The following ATP10D variants were observed in gnomAD, a reference collection of about 807,000 sequenced individuals.
The protein encoded by ATP10D is ATPase phospholipid transporting 10D (putative).
Under a neutral mutation model 144.8 loss-of-function variants are expected in ATP10D, and 89 were observed. The ratio of observed to expected loss-of-function variants is 0.61; its 90% confidence interval spans 0.52 to 0.73. The LOEUF (loss-of-function observed/expected upper bound fraction) is 0.73. ATP10D is among the 30% of genes least tolerant of loss of function. ATP10D has a pLI of 0.00. For missense variants in ATP10D, 1,603 were observed against 1,714.8 expected (o/e 0.93, Z 1.15); for synonymous variants, 571 against 615.1 (o/e 0.93, Z 1.06).
At chr4:47,564,831 A>T (rs540872968) in intron 15 of ATP10D, among the ~76,000 whole-genome samples, 1 of 152,344 alleles carries the variant, frequency 6.6e-6, no homozygotes, top group African/African-American at 2.4e-5. Flanking sequence ...TTCAGCAGTC[A>T]GACTTAACCA....
At chr4:47,575,494 G>C (rs2109467991) in intron 18 of ATP10D, among the ~76,000 whole-genome samples, 1 of 152,216 alleles carries the variant, frequency 6.6e-6, no homozygotes, top group South Asian at 2.1e-4. Flanking sequence ...AAGCAAGCTG[G>C]GATGGCTGAC....
chr4:47,572,777 G>A (rs533540730), intron 17 of ATP10D, 95 bp from the exon 18 acceptor site: 2 of 1,490,204 alleles, frequency 1.3e-6, no homozygotes, highest in South Asian at 2.4e-5. Flanking sequence ...GAAGAAGGTA[G>A]AATATGAGGC....
intron 11 of ATP10D, chr4:47,557,081 T>G (rs1229554735): frequency 6.6e-6 from 1 of 152,170 alleles, no homozygotes; most frequent in African/African-American, 2.4e-5. Context: ...ATGTATATTA[T>G]TACTTGTTAC....
chr4:47,522,623 G>C (rs542671951), intron 3 of ATP10D, among the ~76,000 whole-genome samples: 34 of 152,334 alleles, frequency 2.2e-4, no homozygotes, highest in African/African-American at 7.7e-4. Flanking sequence ...AAGCTGGAGT[G>C]CAGTGGTGTG....
chr4:47,567,309 A>G (rs1166601659), intron 15 of ATP10D, among the ~76,000 whole-genome samples: 1 of 152,244 alleles, frequency 6.6e-6, no homozygotes, highest in Non-Finnish European at 1.5e-5. Flanking sequence ...TTATTTTTAT[A>G]ATGAAAAAAA....
intron 10 of ATP10D, among the ~76,000 whole-genome samples, chr4:47,550,530 G>A (rs116473542): frequency 5.9e-5 from 9 of 152,246 alleles, no homozygotes; most frequent in East Asian, 3.9e-4. Context: ...AGATGGTGGC[G>A]TGTGGCTTCC....
At chr4:47,576,516 A>G (rs190559695) in intron 18 of ATP10D, among the ~76,000 whole-genome samples, 60 of 152,342 alleles carry the variant, frequency 3.9e-4, no homozygotes, top group African/African-American at 1.3e-3. Context: ...TGATTAAATG[A>G]ATTATTCCTA....
chr4:47,527,547 C>T (rs915923365), intron 5 of ATP10D, among the ~76,000 whole-genome samples: 1 of 152,072 alleles, frequency 6.6e-6, no homozygotes, highest in Non-Finnish European at 1.5e-5. Context: ...CCATGTATTT[C>T]CTATAGGACT....
At chr4:47,506,109 G>A (rs1716008236) in intron 1 of ATP10D, among the ~76,000 whole-genome samples, 1 of 152,074 alleles carries the variant, frequency 6.6e-6, no homozygotes, top group African/African-American at 2.4e-5. Flanking sequence ...ATGGAGTGTA[G>A]TTTTTAATAT....
intron 1 of ATP10D, among the ~76,000 whole-genome samples, chr4:47,493,057 A>G (rs1019806407): frequency 6.6e-6 from 1 of 152,050 alleles, no homozygotes; most frequent in Non-Finnish European, 1.5e-5. Context: ...TTTCCTATTC[A>G]TTATTCTTTT....
intron 11 of ATP10D, among the ~76,000 whole-genome samples, chr4:47,555,506 T>G (rs1184294569): frequency 6.6e-6 from 1 of 152,174 alleles, no homozygotes; most frequent in Non-Finnish European, 1.5e-5. Context: ...CAGATGAGGC[T>G]AAGTAATTTA....
intron 1 of ATP10D, among the ~76,000 whole-genome samples, chr4:47,498,705 G>A (rs1232257922): frequency 6.6e-6 from 1 of 152,188 alleles, no homozygotes; most frequent in East Asian, 1.9e-4. Context: ...TCACTGAAAA[G>A]TATTCGTTGA....
chr4:47,494,607 G>C (rs1379573295), intron 1 of ATP10D, among the ~76,000 whole-genome samples: 1 of 151,440 alleles, frequency 6.6e-6, no homozygotes, highest in African/African-American at 2.4e-5. Flanking sequence ...GAATGTTGTA[G>C]ATTGGTCATG....
intron 14 of ATP10D, among the ~76,000 whole-genome samples, chr4:47,563,199 C>T (rs569254825): frequency 3.3e-5 from 5 of 152,118 alleles, no homozygotes; most frequent in African/African-American, 7.2e-5. Flanking sequence ...AACAAAACTG[C>T]GTTTGTGCCC....
rs140396407 is a variant in ATP10D at position 47,491,635 on chromosome 4, G to A, written c.-38+6116G>A. Among the ~76,000 whole-genome samples the A allele has an allele frequency of 2.7e-3, 409 of 152,116 alleles. 2 individuals carry two copies. Among genetic ancestry groups the A allele is most frequent in the African/African-American group, 9.5e-3 (392 of 41,480 alleles). ...CCAACCTAGATTTTCATTTAATTTC[G>A]CATCACTTCTTAATTTGTACTTGAA... is the stretch of plus-strand genomic sequence containing the variant. On this transcript the variant is annotated intron_variant, in intron 1 of 22. Coordinates refer to ENST00000273859, the MANE Select transcript of ATP10D (RefSeq NM_020453.4).
intron 9 of ATP10D, among the ~76,000 whole-genome samples, chr4:47,544,311 A>G (rs1280196793): frequency 2.0e-5 from 3 of 152,220 alleles, no homozygotes; most frequent in Admixed American, 6.5e-5. Context: ...TGGTATGAGT[A>G]AGAGTCAGTA....
chr4:47,573,745 A>G (rs1241761468), intron 18 of ATP10D, among the ~76,000 whole-genome samples: 1 of 152,122 alleles, frequency 6.6e-6, no homozygotes, highest in Non-Finnish European at 1.5e-5. Flanking sequence ...TAAAGTCCAT[A>G]TGTAGTATGT....
chr4:47,591,797 A>T lies in ATP10D; in HGVS notation c.*416A>T, dbSNP rs1721064114. The stretch of plus-strand genomic sequence containing the variant: ...TTAAGAAAAAAGTAGTTTTTAATAC[A>T]TTGGTTAGGACTCAGAGGAAATACG... On this transcript the variant is annotated 3_prime_UTR_variant, in exon 23 of 23. Transcript: ENST00000273859. The T allele has an allele frequency of 1.3e-5, 2 of 154,310 alleles. No individual in the cohort carries two copies. The highest frequency in any genetic ancestry group is 1.3e-4 in the Admixed American group (2 of 15,432). The allele number at this position is 154,310 out of a possible 1,614,324, so 9.6% of individuals were successfully genotyped here. A position where few individuals can be genotyped will look rare whatever the true frequency, so the allele number is the denominator to read the frequency against.
At chr4:47,528,526 T>C (rs534787360) in intron 5 of ATP10D, among the ~76,000 whole-genome samples, 3,571 of 145,606 alleles carry the variant, frequency 0.025, 160 homozygotes, top group African/African-American at 0.08. Context: ...TATATATATA[T>C]ATACACACCA....
Sources: gnomAD v4.1 joint callset for allele counts (sites outside exome capture counted in the v4.1 genomes callset) on GRCh38, gnomAD v4.1.1 for gene constraint, MANE v1.5 for transcripts, NCBI Gene and HGNC (gene_info 2026-07-23, HGNC 2026-07-21) for gene names.